ZNF407: variants seen among roughly 807,000 people sequenced by gnomAD.
The protein encoded by ZNF407 is zinc finger protein 407.
ZNF407 carries 17 observed loss-of-function variants against 131.2 expected under a neutral mutation model. That is an observed-to-expected ratio of 0.13 (90% CI 0.09 to 0.19). ZNF407 has a LOEUF of 0.19. Among genes scored for constraint, ZNF407 ranks in the 10% least tolerant of loss-of-function variants. The probability of loss-of-function intolerance (pLI) is 1.00; values close to 1 mark genes in which losing one functional copy is unlikely to be tolerated. For synonymous variants in ZNF407, 1,156 were observed against 1,062.0 expected, an observed-to-expected ratio of 1.09 and a Z score of -1.72; for missense variants, 2,681 against 2,830.6, an observed-to-expected ratio of 0.95 and a Z score of 1.20.
chr18:75,046,278 C>T (rs1375891385), intron 8 of ZNF407, among the ~76,000 whole-genome samples: 1 of 152,100 alleles, frequency 6.6e-6, no homozygotes, highest in Non-Finnish European at 1.5e-5. Flanking sequence ...AAGCGGTGAT[C>T]AGAGCCGGGC....
chr18:74,715,987 C>T (rs8096080), intron 3 of ZNF407, among the ~76,000 whole-genome samples: 18,786 of 152,176 alleles, frequency 0.12, 1,289 homozygotes, highest in African/African-American at 0.17. Context: ...ATTTCCCATC[C>T]GTAAGAAGCC....
Position 74,891,646 on chromosome 18 carries a change from A to G in ZNF407, c.5249+1608A>G, listed in dbSNP as rs1020965917. ...GGAAATTTGGTAAAATGGTGATCTA[A>G]TTAGAGGTAGACATAGAAATTCTAT... On this transcript the variant is annotated intron_variant, in intron 7 of 8. Transcript: ENST00000299687. 4.6e-4 allele frequency among the ~76,000 whole-genome samples: 70 copies of G among 152,318 alleles called. 1 individual carries two copies. Among genetic ancestry groups the G allele is most frequent in the African/African-American group, 1.5e-3 (64 of 41,582 alleles).
chr18:75,053,818 G>A (rs1431454379), intron 8 of ZNF407, among the ~76,000 whole-genome samples: 1 of 152,204 alleles, frequency 6.6e-6, no homozygotes, highest in Non-Finnish European at 1.5e-5. Context: ...GTCCATCCAG[G>A]TAGATCCAAG....
intron 8 of ZNF407, among the ~76,000 whole-genome samples, chr18:75,007,514 T>A (rs1972925565): frequency 6.6e-6 from 1 of 152,254 alleles, no homozygotes; most frequent in African/African-American, 2.4e-5. Flanking sequence ...ATCACTCTGC[T>A]GCTCCTTTTT....
intron 8 of ZNF407, among the ~76,000 whole-genome samples, chr18:74,965,672 T>C (rs753600227): frequency 2.6e-5 from 4 of 152,236 alleles, no homozygotes; most frequent in African/African-American, 9.6e-5. Flanking sequence ...ATTTTGTGTA[T>C]ATACCCAGCA....
chr18:75,004,489 G>C (rs1972884356), intron 8 of ZNF407, among the ~76,000 whole-genome samples: 1 of 152,216 alleles, frequency 6.6e-6, no homozygotes, highest in South Asian at 2.1e-4. Context: ...GCTGTTGCCT[G>C]CTGGTGCTTC....
intron 8 of ZNF407, among the ~76,000 whole-genome samples, chr18:75,023,977 G>C (rs1973141959): frequency 6.6e-6 from 1 of 152,056 alleles, no homozygotes; most frequent in Admixed American, 6.6e-5. Context: ...TAAGTTATGG[G>C]GCAAGTTTCG....
intron 8 of ZNF407, among the ~76,000 whole-genome samples, chr18:74,924,468 G>C (rs980974628): frequency 3.3e-5 from 5 of 152,068 alleles, no homozygotes; most frequent in Admixed American, 2.0e-4. Context: ...TTCTGTCATT[G>C]TACAATTTTT....
At chr18:74,791,602 C>T (rs1441326569) in intron 4 of ZNF407, among the ~76,000 whole-genome samples, 2 of 152,158 alleles carry the variant, frequency 1.3e-5, no homozygotes, top group Non-Finnish European at 2.9e-5. Flanking sequence ...CCATGGCTCC[C>T]TGTCTTCTAG....
chr18:74,671,098 C>A (rs976702758), intron 3 of ZNF407, among the ~76,000 whole-genome samples: 1 of 152,210 alleles, frequency 6.6e-6, no homozygotes, highest in Non-Finnish European at 1.5e-5. Flanking sequence ...GCCCTGAGTG[C>A]CCGTCCCCAC....
chr18:74,598,681 C>G (rs985487380), intron 1 of ZNF407, among the ~76,000 whole-genome samples: 5 of 152,270 alleles, frequency 3.3e-5, no homozygotes, highest in Non-Finnish European at 7.3e-5. Context: ...GACTTCAGCT[C>G]GCTTTGCGCC....
chr18:75,042,131 G>C (rs1973381038), intron 8 of ZNF407, among the ~76,000 whole-genome samples: 1 of 151,154 alleles, frequency 6.6e-6, no homozygotes, highest in Non-Finnish European at 1.5e-5. Context: ...GAACTCCTGG[G>C]CTCCAGTGGT....
At chr18:74,968,303 G>A (rs544180122) in intron 8 of ZNF407, among the ~76,000 whole-genome samples, 1 of 152,178 alleles carries the variant, frequency 6.6e-6, no homozygotes, top group Admixed American at 6.5e-5. Flanking sequence ...AAATATTGTA[G>A]CCTTGAATAT....
chr18:74,842,008 GTCCTTA>G (rs1473068137), intron 4 of ZNF407, among the ~76,000 whole-genome samples: 4 of 152,174 alleles, frequency 2.6e-5, no homozygotes, highest in Non-Finnish European at 4.4e-5. Flanking sequence ...GAGATTCATA[GTCCTTA>G]TTCTTAAGAT....
rs572504319 is a variant in ZNF407 at position 74,886,541 on chromosome 18, G to A, written c.5129-3377G>A. ...ATGGATAATCAAACTTGGTACACCCGTATAATGGAATACTACTCTGCAACG... is the reference window on the plus strand; with the variant it reads ...ATGGATAATCAAACTTGGTACACCCATATAATGGAATACTACTCTGCAACG... On this transcript the variant is annotated intron_variant, in intron 6 of 8. Transcript: ENST00000299687. Among the ~76,000 whole-genome samples, 156 of 152,248 alleles carry A rather than the reference G, an allele frequency of 1.0e-3. 1 individual carries two copies. The highest frequency in any genetic ancestry group is 3.6e-3 in the African/African-American group (148 of 41,546).
At chr18:75,003,653 A>T (rs1972873598) in intron 8 of ZNF407, among the ~76,000 whole-genome samples, 2 of 152,224 alleles carry the variant, frequency 1.3e-5, no homozygotes, top group South Asian at 4.1e-4. Context: ...AACGAATGTA[A>T]GCATGTTCAG....
intron 4 of ZNF407, among the ~76,000 whole-genome samples, chr18:74,783,917 A>G (rs776794787): frequency 2.0e-5 from 3 of 152,228 alleles, no homozygotes; most frequent in Non-Finnish European, 4.4e-5. Context: ...GTTACAGAGA[A>G]ATACTACACA....
intron 3 of ZNF407, among the ~76,000 whole-genome samples, chr18:74,736,677 T>A (rs765972293): frequency 6.6e-6 from 1 of 152,196 alleles, no homozygotes; most frequent in Non-Finnish European, 1.5e-5. Context: ...GATGCCTTTG[T>A]CAGTTGTTTT....
chr18:74,921,029 T>C, intron 8 of ZNF407: 1 of 997,006 alleles, frequency 1.0e-6, no homozygotes, highest in Non-Finnish European at 1.2e-6. Flanking sequence ...ATTTTAATTT[T>C]TTTTCTTAAA....
Sources: allele counts gnomAD v4.1 joint callset (sites outside exome capture counted in the v4.1 genomes callset), GRCh38; gene constraint gnomAD v4.1.1; transcripts MANE v1.5; gene names NCBI Gene and HGNC (gene_info 2026-07-23, HGNC 2026-07-21).